TJP2: variants seen among roughly 807,000 people sequenced by gnomAD.
The protein encoded by TJP2 is tight junction protein 2.
In TJP2, 91 loss-of-function variants were observed where a neutral mutation model predicts 133.1. The observed-to-expected ratio is 0.68, with a 90% CI of 0.58 to 0.81. TJP2 has a LOEUF of 0.81. Among genes scored for constraint, TJP2 ranks in the 40% least tolerant of loss-of-function variants. The pLI is 0.00. For missense variants in TJP2, 1,541 were observed against 1,565.6 expected (o/e 0.98, Z 0.26); for synonymous variants, 592 against 583.4 (o/e 1.01, Z -0.21).
At chr9:69,214,268 T>C (rs2133223544) in intron 2 of TJP2, among the ~76,000 whole-genome samples, 3 of 152,152 alleles carry the variant, frequency 2.0e-5, no homozygotes, top group Admixed American at 2.0e-4. Context: ...GTATTTTTAG[T>C]AGAGATGGGG....
At chr9:69,206,577 A>ATTTT (rs397759081) in intron 1 of TJP2, among the ~76,000 whole-genome samples, 1 of 150,388 alleles carries the variant, frequency 6.6e-6, no homozygotes, top group Non-Finnish European at 1.5e-5. Context: ...TTATTTATTT[A>ATTTT]ATTTTTTTAT....
At chr9:69,226,298 T>G in intron 7 of TJP2, 123 bp downstream of exon 7, 1 of 1,125,286 alleles carries the variant, frequency 8.9e-7, no homozygotes, top group South Asian at 1.4e-5. Context: ...CCTTGAAACC[T>G]TAATCTCCAA....
In TJP2 at chr9:69,220,890, G is replaced by A; in HGVS notation, c.346G>A (p.Val116Ile). Residue 116 changes from valine (V) to isoleucine (I), a missense_variant, in exon 5 of 23, where the codon GTC (valine) becomes ATC (isoleucine). By Grantham distance (29) the Val-to-Ile change is conservative. Coordinates refer to ENST00000377245, the MANE Select transcript of TJP2 (RefSeq NM_004817.4). ...ACTGAGTTTGTTTTGACAACAGGTGGTCAAGAGGCCCCGGAAGGTCCAGGT... is the reference window on the plus strand; with the variant it reads ...ACTGAGTTTGTTTTGACAACAGGTGATCAAGAGGCCCCGGAAGGTCCAGGT... ...RKSGKVAAIV[V>I]KRPRKVQVAA... is the part of the protein sequence containing the mutation. The A allele has an allele frequency of 6.2e-7, 1 of 1,612,284 alleles. No homozygotes were observed. Among genetic ancestry groups the A allele is most frequent in the Non-Finnish European group, 8.5e-7 (1 of 1,180,016 alleles).
At chr9:69,146,811 A>G (rs761001671) in intron 1 of TJP2, among the ~76,000 whole-genome samples, 48 of 152,108 alleles carry the variant, frequency 3.2e-4, no homozygotes, top group Non-Finnish European at 5.7e-4. Context: ...AACATCCCAC[A>G]AGGTACAGGA....
intron 1 of TJP2, among the ~76,000 whole-genome samples, chr9:69,193,634 C>A (rs1301492433): frequency 7.1e-6 from 1 of 140,600 alleles, no homozygotes; most frequent in Non-Finnish European, 1.5e-5. Flanking sequence ...ATAATGAGGT[C>A]TTTTTCTAAG....
At chr9:69,166,202 C>T (rs1824347522) in intron 2 of TJP2, among the ~76,000 whole-genome samples, 1 of 152,066 alleles carries the variant, frequency 6.6e-6, no homozygotes, top group Non-Finnish European at 1.5e-5. Flanking sequence ...CCTCTGCTTT[C>T]CAGGCTCAAG....
At chr9:69,136,525 G>A (rs1160608089) in intron 1 of TJP2, among the ~76,000 whole-genome samples, 8 of 152,102 alleles carry the variant, frequency 5.3e-5, no homozygotes, top group Admixed American at 4.6e-4. Context: ...AACCATTTAT[G>A]TAAAAAAGTT....
chr9:69,195,694 A>G (rs535969690), intron 1 of TJP2, among the ~76,000 whole-genome samples: 2 of 152,304 alleles, frequency 1.3e-5, no homozygotes, highest in East Asian at 3.9e-4. Context: ...CCCCTTTTCC[A>G]TGGTGTTCAC....
At chr9:69,184,989 A>G (rs1825757736) in intron 1 of TJP2, among the ~76,000 whole-genome samples, 1 of 151,138 alleles carries the variant, frequency 6.6e-6, no homozygotes. Context: ...GGCTCAGGCG[A>G]TCCTCCTACC....
chr9:69,236,401 A>G (rs1588131931), intron 13 of TJP2, among the ~76,000 whole-genome samples, 163 bp downstream of exon 13: 1 of 152,042 alleles, frequency 6.6e-6, no homozygotes, highest in Admixed American at 6.6e-5. Context: ...GTAAATAGCC[A>G]CCAGCCAGTT....
chr9:69,236,079 G>A lies in TJP2; in HGVS notation c.1832G>A (p.Ser611Asn), dbSNP rs1180460875. The change falls in exon 13 of 23, where the codon AGC (serine) becomes AAC (asparagine). Residue 611 changes from serine to asparagine, a missense_variant. Coordinates refer to ENST00000377245, the MANE Select transcript of TJP2 (RefSeq NM_004817.4). ...CGRGDSFFIR[S>N]HFECEKETPQ... ...AGAGGGGATTCGTTTTTTATAAGAA[G>A]CCACTTTGAATGTGAGAAGGAAACT... The A allele has an allele frequency of 1.9e-6, 3 of 1,614,058 alleles. No individual in the cohort carries two copies. The African/African-American group carries it at 4.0e-5, about 22-fold the overall frequency.
chr9:69,170,645 T>C (rs1482595772), upstream of TJP2, among the ~76,000 whole-genome samples: 1 of 152,206 alleles, frequency 6.6e-6, no homozygotes, highest in Non-Finnish European at 1.5e-5. Context: ...ATGAACATCA[T>C]CAGTTCTTAC....
intron 11 of TJP2, among the ~76,000 whole-genome samples, chr9:69,231,614 C>A (rs915504175): frequency 2.0e-5 from 3 of 151,916 alleles, no homozygotes; most frequent in African/African-American, 7.3e-5. Flanking sequence ...TGGCCCCCTT[C>A]CTTCTTGGCC....
chr9:69,181,120 G>A (rs773482576), intron 1 of TJP2, among the ~76,000 whole-genome samples: 51 of 151,656 alleles, frequency 3.4e-4, no homozygotes, highest in Non-Finnish European at 5.2e-4. Flanking sequence ...AGAGAATTTT[G>A]TCCAAAAAAA....
chr9:69,209,293 C>A lies in TJP2; in HGVS notation c.61-3255C>A, dbSNP rs533313220. ...GACTACAGATATGCGCCACCACGCC[C>A]GGCTAATTTTTTGTGTTTTTGGTAG... On this transcript the variant is annotated intron_variant, in intron 1 of 22. Transcript: ENST00000377245. 2.6e-5 allele frequency among the ~76,000 whole-genome samples: 4 copies of A among 152,222 alleles called. No individual in the cohort carries two copies. The South Asian group carries it at 8.3e-4, about 32-fold the overall frequency.
chr9:69,190,834 A>G lies in TJP2; in HGVS notation c.60+16402A>G, dbSNP rs190528651. Among the ~76,000 whole-genome samples, 168 of 152,316 alleles carry G rather than the reference A, an allele frequency of 1.1e-3. 1 individual carries two copies. Among genetic ancestry groups the G allele is most frequent in the African/African-American group, 3.9e-3 (162 of 41,566 alleles). On this transcript the variant is annotated intron_variant, in intron 1 of 22. Transcript: ENST00000377245. Reference sequence around the variant, plus strand: ...TTGTTTTTTCTGCCTGCTAGCTAAGAACTGTTCTTGCATTTTAAATGGTTA... The same window carrying G: ...TTGTTTTTTCTGCCTGCTAGCTAAGGACTGTTCTTGCATTTTAAATGGTTA...
chr9:69,214,958 T>C (rs1048119051), intron 2 of TJP2, among the ~76,000 whole-genome samples: 6 of 151,940 alleles, frequency 3.9e-5, no homozygotes, highest in African/African-American at 1.5e-4. Context: ...GTTAAAGGTA[T>C]ACTTTAAAAA....
At chr9:69,189,278 C>G (rs1157809903) in intron 1 of TJP2, among the ~76,000 whole-genome samples, 1 of 152,130 alleles carries the variant, frequency 6.6e-6, no homozygotes, top group African/African-American at 2.4e-5. Context: ...GTGGAAAGAC[C>G]TAGGAAGTCT....
chr9:69,122,741 T>G (rs2133208010), intron 1 of TJP2, among the ~76,000 whole-genome samples: 1 of 152,192 alleles, frequency 6.6e-6, no homozygotes, highest in South Asian at 2.1e-4. Flanking sequence ...CTATCCTTAT[T>G]GTCTGTGGCT....
Sources: gnomAD v4.1 joint callset for allele counts (sites outside exome capture counted in the v4.1 genomes callset) on GRCh38, gnomAD v4.1.1 for gene constraint, MANE v1.5 for transcripts, NCBI Gene and HGNC (gene_info 2026-07-23, HGNC 2026-07-21) for gene names.